Variants in SLC36A1 observed in about 807,000 individuals in gnomAD.
SLC36A1 encodes the protein solute carrier family 36 member 1, also known as proton-coupled amino acid transporter 1.
Under a neutral mutation model 47.5 loss-of-function variants are expected in SLC36A1, and 30 were observed. The observed-to-expected ratio is 0.63, with a 90% CI of 0.47 to 0.86. SLC36A1 has a LOEUF of 0.86. SLC36A1 is among the 40% of genes least tolerant of loss of function. The pLI is 0.00. For synonymous variants in SLC36A1, 255 were observed against 249.7 expected, an observed-to-expected ratio of 1.02 and a Z score of -0.20; for missense variants, 517 against 606.0, an observed-to-expected ratio of 0.85 and a Z score of 1.54.
intron 5 of SLC36A1, among the ~76,000 whole-genome samples, chr5:151,466,667 G>T (rs1417915529): frequency 6.6e-6 from 1 of 152,108 alleles, no homozygotes; most frequent in Non-Finnish European, 1.5e-5. Context: ...ACAGTGAAGG[G>T]GACTATTTCC....
intron 9 of SLC36A1, among the ~76,000 whole-genome samples, chr5:151,477,262 A>C (rs769699242): frequency 1.3e-5 from 2 of 152,168 alleles, no homozygotes; most frequent in African/African-American, 2.4e-5. Flanking sequence ...GAAAGGGTGA[A>C]TGTCCCAGGG....
At chr5:151,423,272 A>T in the SLC36A1 span, among the ~76,000 whole-genome samples, 1 of 152,214 alleles carries the variant, frequency 6.6e-6, no homozygotes, top group Admixed American at 6.5e-5. Context: ...TGATCTAGCA[A>T]TTGCATTCCT....
chr5:151,510,094 G>A, the SLC36A1 span: 1 of 1,614,168 alleles, frequency 6.2e-7, no homozygotes, highest in African/African-American at 1.3e-5. Context: ...CCACCTTCCA[G>A]GCAGGGTGCA....
chr5:151,507,665 C>A, the SLC36A1 span: 2 of 1,484,850 alleles, frequency 1.3e-6, no homozygotes, highest in Non-Finnish European at 1.8e-6. Context: ...CTTTCCATGT[C>A]CCCTCTTACA....
upstream of SLC36A1, among the ~76,000 whole-genome samples, chr5:151,445,406 C>T (rs552203398): frequency 7.2e-5 from 11 of 152,186 alleles, no homozygotes; most frequent in Non-Finnish European, 1.6e-4. Context: ...GGATTTTGTA[C>T]CAATGTGCAT....
chr5:151,470,364 G>T lies in SLC36A1; in HGVS notation c.723+2439G>T, dbSNP rs376469707. Among the ~76,000 whole-genome samples the T allele has an allele frequency of 3.9e-5, 6 of 152,174 alleles. No homozygotes were observed. In the East Asian group the frequency reaches 5.8e-4, roughly 15 times the overall value. ...ATCAGAGGGCTGGGATAAGAATTTG[G>T]GTTCTTATAGCGTCTCAGTCCCAAC... On this transcript the variant is annotated intron_variant, in intron 7 of 10. Transcript: ENST00000243389.
At chr5:151,538,209 G>A in the SLC36A1 span, among the ~76,000 whole-genome samples, 12 of 152,154 alleles carry the variant, frequency 7.9e-5, no homozygotes, top group African/African-American at 2.2e-4. Context: ...ACAAGAGAAC[G>A]AGTCAGAAAA....
At chr5:151,532,029 C>CA in the SLC36A1 span, 1 of 1,581,964 alleles carries the variant, frequency 6.3e-7, no homozygotes, top group Non-Finnish European at 8.6e-7. Context: ...GACCTGCCTG[C>CA]AGCAAACCCT....
the SLC36A1 span, among the ~76,000 whole-genome samples, chr5:151,402,706 G>A: frequency 6.6e-6 from 1 of 152,162 alleles, no homozygotes; most frequent in Non-Finnish European, 1.5e-5. Flanking sequence ...TCTGTTCAGA[G>A]TCTTGATTTC....
chr5:151,392,082 C>T, the SLC36A1 span, among the ~76,000 whole-genome samples: 9 of 152,182 alleles, frequency 5.9e-5, no homozygotes, highest in African/African-American at 1.9e-4. Context: ...ATTTCAGAGC[C>T]TGTTATTGGT....
At position 151,467,876 on chromosome 5, in the gene SLC36A1, A is replaced by G. The variant is rs754665195; in HGVS notation, c.674A>G (p.Asn225Ser). 6.8e-6 allele frequency: 11 copies of G among 1,613,858 alleles called. No homozygotes were observed. Among genetic ancestry groups the G allele is most frequent in the South Asian group, 3.3e-5 (3 of 91,048 alleles). ...RALSIFSLLANITMLVSLVMI... is the reference protein window; with the variant it reads ...RALSIFSLLASITMLVSLVMI... ...CTGTCCATCTTCTCCCTGTTGGCCA[A>G]CATCACCATGCTGGTCAGCTTGGTC... Residue 225 changes from asparagine to serine, a missense_variant, in exon 7 of 11, where the codon AAC becomes AGC. Coordinates refer to ENST00000243389, the MANE Select transcript of SLC36A1 (RefSeq NM_078483.4).
At chr5:151,515,871 T>C in the SLC36A1 span, among the ~76,000 whole-genome samples, 1 of 152,234 alleles carries the variant, frequency 6.6e-6, no homozygotes, top group Non-Finnish European at 1.5e-5. Flanking sequence ...ATTGCAATTA[T>C]CTGCTCAAAA....
the SLC36A1 span, among the ~76,000 whole-genome samples, chr5:151,348,799 C>T: frequency 2.0e-5 from 3 of 152,144 alleles, no homozygotes; most frequent in East Asian, 1.9e-4. Context: ...AGCTGGAACT[C>T]GGTAAATCCG....
the SLC36A1 span, among the ~76,000 whole-genome samples, chr5:151,394,047 A>T: frequency 6.6e-6 from 1 of 152,188 alleles, no homozygotes; most frequent in Admixed American, 6.5e-5. Flanking sequence ...CGCCAATCAG[A>T]CGTAGATTTG....
At chr5:151,367,603 A>G in the SLC36A1 span, among the ~76,000 whole-genome samples, 1 of 152,248 alleles carries the variant, frequency 6.6e-6, no homozygotes, top group East Asian at 1.9e-4. Flanking sequence ...CACACGTTTT[A>G]CAATCAATTT....
chr5:151,405,191 C>T, the SLC36A1 span, among the ~76,000 whole-genome samples: 1 of 152,100 alleles, frequency 6.6e-6, no homozygotes, highest in Non-Finnish European at 1.5e-5. Context: ...AGGCTTCCAA[C>T]TGTATTTTGA....
chr5:151,518,928 G>A, the SLC36A1 span, among the ~76,000 whole-genome samples: 2 of 152,196 alleles, frequency 1.3e-5, no homozygotes, highest in African/African-American at 4.8e-5. Flanking sequence ...AGTTGTCAGG[G>A]GAGAGGATGA....
chr5:151,513,645 A>G, the SLC36A1 span, among the ~76,000 whole-genome samples: 2 of 152,198 alleles, frequency 1.3e-5, no homozygotes, highest in African/African-American at 4.8e-5. Context: ...ATCAGGAACT[A>G]TGCTTATTCC....
chr5:151,483,428 G>A (rs917187509), intron 10 of SLC36A1, among the ~76,000 whole-genome samples: 6 of 149,760 alleles, frequency 4.0e-5, no homozygotes, highest in Non-Finnish European at 7.4e-5. Flanking sequence ...TTTTGTACAC[G>A]CCACAGCTGA....
Sources: allele counts gnomAD v4.1 joint callset (sites outside exome capture counted in the v4.1 genomes callset), GRCh38; gene constraint gnomAD v4.1.1; transcripts MANE v1.5; gene names NCBI Gene and HGNC (gene_info 2026-07-23, HGNC 2026-07-21).